The following BARX2 variants were observed in gnomAD, a reference collection of about 807,000 sequenced individuals.
BARX2 encodes homeobox protein BarH-like 2.
A neutral mutation model predicts 25.5 loss-of-function variants in BARX2; 11 were observed. The observed-to-expected ratio is 0.43, with a 90% CI of 0.27 to 0.71. The LOEUF (loss-of-function observed/expected upper bound fraction) is 0.71, where lower values mean the gene tolerates loss of function less well. BARX2 is among the 30% of genes least tolerant of loss of function. The pLI is 0.19. For missense variants in BARX2, 360 were observed against 359.9 expected (o/e 1.00, Z 0.00); for synonymous variants, 137 against 149.5 (o/e 0.92, Z 0.61).
At position 129,451,488 on chromosome 11, in the gene BARX2, C is replaced by T; in HGVS notation, c.*86C>T. 6.8e-7 allele frequency: 1 copy of T among 1,475,072 alleles called. No individual in the cohort carries two copies. 91.4% of individuals were successfully genotyped at this position (1,475,072 alleles called of 1,614,324 possible). Reference sequence around the variant, plus strand: ...AGAGTAGGGAGAGAAAACCTTCCAGCAGCCCAGTAAACTGCGGGCGAAGAG... The same window carrying T: ...AGAGTAGGGAGAGAAAACCTTCCAGTAGCCCAGTAAACTGCGGGCGAAGAG... On this transcript the variant is annotated 3_prime_UTR_variant, in exon 4 of 4. Coordinates refer to ENST00000281437, the MANE Select transcript of BARX2 (RefSeq NM_003658.5).
intron 3 of BARX2, among the ~76,000 whole-genome samples, chr11:129,444,747 A>G (rs1862304464): frequency 6.6e-6 from 1 of 152,148 alleles, no homozygotes; most frequent in Non-Finnish European, 1.5e-5. Context: ...CACGCCTGTA[A>G]TCCCATCAGT....
chr11:129,378,649 C>G (rs1324007647), intron 1 of BARX2, among the ~76,000 whole-genome samples: 1 of 139,472 alleles, frequency 7.2e-6, no homozygotes, highest in East Asian at 2.1e-4. Context: ...AAGTGAAAGG[C>G]ATACATTGGA....
intron 2 of BARX2, chr11:129,437,455 C>T: frequency 1.0e-6 from 1 of 994,744 alleles, no homozygotes; most frequent in South Asian, 4.7e-5. Context: ...ATCTTCTCCA[C>T]AGCCTCCAGC....
intron 3 of BARX2, among the ~76,000 whole-genome samples, chr11:129,448,937 TG>T: frequency 6.6e-6 from 1 of 152,326 alleles, no homozygotes; most frequent in African/African-American, 2.4e-5. Context: ...GTCACAAAAG[TG>T]CACATATTAT....
chr11:129,447,260 G>A (rs1396787188), intron 3 of BARX2, among the ~76,000 whole-genome samples: 1 of 152,144 alleles, frequency 6.6e-6, no homozygotes, highest in East Asian at 1.9e-4. Context: ...CAAAAGATCC[G>A]GTCTTAACAC....
At chr11:129,446,247 T>C (rs947729887) in intron 3 of BARX2, among the ~76,000 whole-genome samples, 2 of 152,194 alleles carry the variant, frequency 1.3e-5, no homozygotes, top group African/African-American at 4.8e-5. Context: ...TTCTCTTCCA[T>C]GAGAGGATCC....
chr11:129,391,664 T>A (rs539347904), intron 1 of BARX2, among the ~76,000 whole-genome samples: 2 of 152,174 alleles, frequency 1.3e-5, no homozygotes, highest in Non-Finnish European at 2.9e-5. Context: ...AGGACTCTCT[T>A]AAAGTGAGAT....
intron 1 of BARX2, among the ~76,000 whole-genome samples, chr11:129,411,371 CAAA>C (rs34667411): frequency 1.3e-4 from 7 of 53,862 alleles, no homozygotes; most frequent in Non-Finnish European, 2.1e-4. Context: ...ACTCCATCTC[CAAA>C]AAAAAAAAAA....
intron 1 of BARX2, among the ~76,000 whole-genome samples, chr11:129,405,380 T>C (rs535996004): frequency 6.6e-6 from 1 of 152,330 alleles, no homozygotes; most frequent in Admixed American, 6.5e-5. Flanking sequence ...CATCCATCCC[T>C]ATTTATTTAA....
chr11:129,391,300 C>T (rs1262529699), intron 1 of BARX2, among the ~76,000 whole-genome samples: 2 of 152,172 alleles, frequency 1.3e-5, no homozygotes, highest in African/African-American at 4.8e-5. Flanking sequence ...ATGTGAAATT[C>T]AGACATCAGT....
chr11:129,451,216 T>G lies in BARX2; in HGVS notation c.654T>G (p.Ile218Met). ...KKNSIPTSEE[I>M]EAEEKMNSQA... ...ACTCCATCCCCACATCAGAAGAGAT[T>G]GAAGCTGAAGAGAAGATGAACAGCC... Residue 218 changes from isoleucine to methionine, a missense_variant, in exon 4 of 4, where the codon ATT becomes ATG. By Grantham distance (10) the Ile-to-Met change is conservative. Transcript: ENST00000281437. 1 of 1,614,052 alleles carries G rather than the reference T, an allele frequency of 6.2e-7. No homozygotes were observed. The highest frequency in any genetic ancestry group is 2.2e-5 in the East Asian group (1 of 44,854).
intron 1 of BARX2, among the ~76,000 whole-genome samples, chr11:129,425,175 A>G (rs1565518402): frequency 6.6e-6 from 1 of 152,244 alleles, no homozygotes; most frequent in Non-Finnish European, 1.5e-5. Context: ...AATCAATTCA[A>G]CAAAGCATGG....
chr11:129,426,537 T>G (rs1862065892), intron 1 of BARX2, among the ~76,000 whole-genome samples: 1 of 152,106 alleles, frequency 6.6e-6, no homozygotes, highest in Non-Finnish European at 1.5e-5. Flanking sequence ...CACGCCTGGC[T>G]AATTTTTGTA....
intron 2 of BARX2, among the ~76,000 whole-genome samples, chr11:129,441,257 A>G (rs1030709567): frequency 9.2e-5 from 14 of 152,064 alleles, no homozygotes; most frequent in Admixed American, 5.9e-4. Flanking sequence ...GTGAGCCCCA[A>G]TGCAGGAGCT....
chr11:129,449,353 T>C (rs957719270), intron 3 of BARX2, among the ~76,000 whole-genome samples: 7 of 152,190 alleles, frequency 4.6e-5, no homozygotes, highest in Admixed American at 2.0e-4. Context: ...TCTTGGAGCA[T>C]GGAGTAATGG....
At chr11:129,446,130 C>T (rs1862325755) in intron 3 of BARX2, among the ~76,000 whole-genome samples, 1 of 152,064 alleles carries the variant, frequency 6.6e-6, no homozygotes, top group African/African-American at 2.4e-5. Flanking sequence ...GGATGCGCAC[C>T]CTCTATTCCA....
At chr11:129,391,167 C>A (rs1861662287) in intron 1 of BARX2, among the ~76,000 whole-genome samples, 1 of 152,120 alleles carries the variant, frequency 6.6e-6, no homozygotes, top group African/African-American at 2.4e-5. Context: ...AAAGCTAGAC[C>A]AGGGATTGGC....
chr11:129,406,108 AAATC>A (rs1382779121), intron 1 of BARX2, among the ~76,000 whole-genome samples: 2 of 152,238 alleles, frequency 1.3e-5, no homozygotes, highest in Non-Finnish European at 2.9e-5. Context: ...TGGTAACTCT[AAATC>A]AATATTTAAA....
chr11:129,389,763 C>G (rs1246717602), intron 1 of BARX2, among the ~76,000 whole-genome samples: 2 of 137,316 alleles, frequency 1.5e-5, no homozygotes, highest in Admixed American at 1.5e-4. Flanking sequence ...TTCTTATTTT[C>G]GAGCACTGAG....
Sources: allele counts gnomAD v4.1 joint callset (sites outside exome capture counted in the v4.1 genomes callset), GRCh38; gene constraint gnomAD v4.1.1; transcripts MANE v1.5; gene names NCBI Gene and HGNC (gene_info 2026-07-23, HGNC 2026-07-21).